FGF2: variants seen among roughly 807,000 people sequenced by gnomAD.
FGF2 encodes fibroblast growth factor 2, also known as basic fibroblast growth factor bFGF.
FGF2 carries 13 observed loss-of-function variants against 15.9 expected under a neutral mutation model. The observed-to-expected ratio is 0.82, with a 90% CI of 0.53 to 1.30. The LOEUF (loss-of-function observed/expected upper bound fraction) is 1.30, where lower values mean the gene tolerates loss of function less well. Among genes scored for constraint, FGF2 ranks in the 50% most tolerant of loss-of-function variants. The pLI is 0.00. For synonymous variants in FGF2, 90 were observed against 78.4 expected, an observed-to-expected ratio of 1.15 and a Z score of -0.78; for missense variants, 163 against 196.9, an observed-to-expected ratio of 0.83 and a Z score of 1.03.
At chr4:122,865,160 G>A (rs56234233) in intron 1 of FGF2, among the ~76,000 whole-genome samples, 7,718 of 152,016 alleles carry the variant, frequency 0.051, 456 homozygotes, top group African/African-American at 0.15. Flanking sequence ...TTTATGTTTT[G>A]TTTATCTAAT....
chr4:122,856,500 A>G (rs1205832832), intron 1 of FGF2, among the ~76,000 whole-genome samples: 4 of 152,234 alleles, frequency 2.6e-5, no homozygotes, highest in African/African-American at 9.6e-5. Context: ...ATTTAAAGGA[A>G]TCTTATTTAT....
At chr4:122,828,396 C>T (rs183736695) in intron 1 of FGF2, among the ~76,000 whole-genome samples, 24 of 152,310 alleles carry the variant, frequency 1.6e-4, no homozygotes, top group African/African-American at 5.5e-4. Context: ...TGTAACCTGT[C>T]CTCCTGTAAG....
At chr4:122,831,961 C>G (rs1725773792) in intron 1 of FGF2, among the ~76,000 whole-genome samples, 1 of 152,214 alleles carries the variant, frequency 6.6e-6, no homozygotes, top group South Asian at 2.1e-4. Context: ...AATTGACTTT[C>G]TTCATCTATA....
At position 122,890,052 on chromosome 4, in the gene FGF2, T is replaced by C. The variant is rs1192643880; in HGVS notation, c.283-2159T>C. ...TACTATGAATTTTCCTTTCACTCTT[T>C]GTTTCCCTTCTGCTTCTATTCTTGA... On this transcript the variant is annotated intron_variant, in intron 2 of 2. Coordinates refer to ENST00000644866, the MANE Select transcript of FGF2 (RefSeq NM_001361665.2). 4 of 152,204 alleles carry C rather than the reference T, an allele frequency of 2.6e-5. No homozygotes were observed. The South Asian group carries it at 8.3e-4, about 31-fold the overall frequency. 9.4% of individuals were successfully genotyped at this position (152,204 alleles called of 1,614,324 possible).
At chr4:122,885,577 A>G (rs1727039662) in intron 2 of FGF2, among the ~76,000 whole-genome samples, 1 of 152,216 alleles carries the variant, frequency 6.6e-6, no homozygotes, top group South Asian at 2.1e-4. Context: ...ACTTACAGAA[A>G]AGTTATAAAG....
intron 1 of FGF2, among the ~76,000 whole-genome samples, chr4:122,848,864 A>G (rs1726169161): frequency 6.6e-6 from 1 of 152,196 alleles, no homozygotes; most frequent in Non-Finnish European, 1.5e-5. Flanking sequence ...GAAGTAAAGG[A>G]AGGTGGATAC....
At chr4:122,839,621 G>GCCCAGGT (rs888880879) in intron 1 of FGF2, among the ~76,000 whole-genome samples, 2 of 152,102 alleles carry the variant, frequency 1.3e-5, no homozygotes, top group African/African-American at 4.8e-5. Context: ...TGCCAACCAG[G>GCCCAGGT]CCCAGGTGTT....
intron 2 of FGF2, among the ~76,000 whole-genome samples, chr4:122,886,042 C>T (rs953891037): frequency 1.3e-5 from 2 of 151,404 alleles, no homozygotes; most frequent in African/African-American, 4.9e-5. Flanking sequence ...CCTTGGCCTC[C>T]CAAGTAGGTG....
chr4:122,880,441 G>A (rs1249428047), intron 2 of FGF2, among the ~76,000 whole-genome samples: 24 of 151,920 alleles, frequency 1.6e-4, no homozygotes. Flanking sequence ...GTAGAGGCAG[G>A]GTTTCACCAT....
chr4:122,848,884 T>A (rs1194752841), intron 1 of FGF2, among the ~76,000 whole-genome samples: 1 of 152,204 alleles, frequency 6.6e-6, no homozygotes, highest in Non-Finnish European at 1.5e-5. Flanking sequence ...CCAGATGCCT[T>A]GGCTACTTTT....
At chr4:122,844,104 C>CATTTTTCA (rs1328971856) in intron 1 of FGF2, among the ~76,000 whole-genome samples, 1 of 152,210 alleles carries the variant, frequency 6.6e-6, no homozygotes, top group African/African-American at 2.4e-5. Flanking sequence ...AAATTAGAGG[C>CATTTTTCA]AAACTCTTCA....
intron 1 of FGF2, among the ~76,000 whole-genome samples, chr4:122,849,517 G>A (rs1285113039): frequency 1.3e-5 from 2 of 152,050 alleles, no homozygotes; most frequent in Non-Finnish European, 2.9e-5. Flanking sequence ...GGGTTGATGG[G>A]TGCAGCAAAC....
intron 1 of FGF2, among the ~76,000 whole-genome samples, chr4:122,865,271 G>GTTTT (rs1036833297): frequency 6.9e-6 from 1 of 144,768 alleles, no homozygotes; most frequent in African/African-American, 2.5e-5. Context: ...TATTTTCTCT[G>GTTTT]TTTTTTTTTG....
intron 2 of FGF2, among the ~76,000 whole-genome samples, chr4:122,879,517 G>T (rs1321562503): frequency 6.6e-6 from 1 of 152,158 alleles, no homozygotes; most frequent in Non-Finnish European, 1.5e-5. Context: ...CCATAATCTG[G>T]GTCAGTGAAT....
chr4:122,867,051 T>C (rs1726610469), intron 1 of FGF2, among the ~76,000 whole-genome samples: 1 of 152,238 alleles, frequency 6.6e-6, no homozygotes, highest in African/African-American at 2.4e-5. Flanking sequence ...GAAAACATTA[T>C]TCTGAGTGAA....
intron 2 of FGF2, among the ~76,000 whole-genome samples, chr4:122,879,825 C>G (rs765684948): frequency 9.9e-5 from 15 of 152,124 alleles, no homozygotes; most frequent in Non-Finnish European, 2.1e-4. Context: ...ATCACAAGAA[C>G]AGCATGGGAA....
At chr4:122,887,376 C>T (rs1727080252) in intron 2 of FGF2, among the ~76,000 whole-genome samples, 2 of 152,128 alleles carry the variant, frequency 1.3e-5, no homozygotes, top group South Asian at 4.1e-4. Flanking sequence ...ATATCTCCAA[C>T]CTTAATCCAT....
intron 1 of FGF2, among the ~76,000 whole-genome samples, chr4:122,856,784 T>G (rs1309952417): frequency 6.6e-6 from 1 of 152,198 alleles, no homozygotes; most frequent in Admixed American, 6.5e-5. Context: ...CATTGATTCA[T>G]TCAAGATACA....
At chr4:122,866,863 A>C (rs1726607076) in intron 1 of FGF2, among the ~76,000 whole-genome samples, 1 of 152,236 alleles carries the variant, frequency 6.6e-6, no homozygotes. Context: ...ACATGTCTAC[A>C]CAAAATCTTG....
Sources: allele counts gnomAD v4.1 joint callset (sites outside exome capture counted in the v4.1 genomes callset), GRCh38; gene constraint gnomAD v4.1.1; transcripts MANE v1.5; gene names NCBI Gene and HGNC (gene_info 2026-07-23, HGNC 2026-07-21).